The following LRRC37A2 variants were observed in gnomAD, a reference collection of about 807,000 sequenced individuals.
LRRC37A2 encodes the protein leucine rich repeat containing 37 member A2.
In LRRC37A2, 9 loss-of-function variants were observed where a neutral mutation model predicts 68.8. The observed-to-expected ratio is 0.13, with a 90% CI of 0.08 to 0.23. The LOEUF (loss-of-function observed/expected upper bound fraction) is 0.23. Ranked by LOEUF, LRRC37A2 falls within the 10% of genes least tolerant of loss-of-function variation. LRRC37A2 has a pLI of 1.00. For synonymous variants in LRRC37A2, 63 were observed against 367.6 expected, an observed-to-expected ratio of 0.17 and a Z score of 9.48; for missense variants, 168 against 950.4, an observed-to-expected ratio of 0.18 and a Z score of 10.82.
chr17:46,855,817 G>C, the LRRC37A2 span, among the ~76,000 whole-genome samples: 50 of 152,202 alleles, frequency 3.3e-4, no homozygotes, highest in South Asian at 1.0e-2. Flanking sequence ...TCCTGCCTCA[G>C]CTTCCCCAGT....
the LRRC37A2 span, among the ~76,000 whole-genome samples, chr17:46,809,489 C>T: frequency 2.0e-5 from 3 of 152,198 alleles, no homozygotes; most frequent in African/African-American, 7.2e-5. Context: ...CACGTACACA[C>T]ACTCAGTCCT....
At chr17:46,610,045 T>TTCTC in the LRRC37A2 span, among the ~76,000 whole-genome samples, 1 of 86,218 alleles carries the variant, frequency 1.2e-5, no homozygotes, top group Non-Finnish European at 2.8e-5. Context: ...CTCTCTCTCT[T>TTCTC]TCTTTCTTTC....
the LRRC37A2 span, among the ~76,000 whole-genome samples, chr17:46,859,907 T>TA: frequency 6.6e-6 from 1 of 152,174 alleles, no homozygotes; most frequent in African/African-American, 2.4e-5. Context: ...ATTGAAAATT[T>TA]AAAAAAAGAA....
chr17:47,018,650 T>C, the LRRC37A2 span: 6 of 1,520,344 alleles, frequency 3.9e-6, no homozygotes, highest in Non-Finnish European at 5.5e-6. Context: ...CGGAACCTAT[T>C]AATAATGAGA....
the LRRC37A2 span, among the ~76,000 whole-genome samples, chr17:46,962,240 A>C: frequency 6.6e-6 from 1 of 151,990 alleles, no homozygotes; most frequent in Non-Finnish European, 1.5e-5. Context: ...GAGGCAGGAG[A>C]ATAATTTGAA....
the LRRC37A2 span, among the ~76,000 whole-genome samples, chr17:46,840,230 G>A: frequency 6.6e-6 from 1 of 151,814 alleles, no homozygotes; most frequent in Non-Finnish European, 1.5e-5. Flanking sequence ...GGTACTACAG[G>A]TGCCCGACAC....
chr17:46,745,118 G>T, the LRRC37A2 span, among the ~76,000 whole-genome samples: 1 of 152,140 alleles, frequency 6.6e-6, no homozygotes, highest in South Asian at 2.1e-4. Flanking sequence ...CATTAGGAAG[G>T]TGGAGGTCCC....
At chr17:46,831,885 G>T in the LRRC37A2 span, among the ~76,000 whole-genome samples, 1 of 152,258 alleles carries the variant, frequency 6.6e-6, no homozygotes, top group African/African-American at 2.4e-5. Flanking sequence ...CTGCTTCCCC[G>T]TGATCCCTGA....
the LRRC37A2 span, among the ~76,000 whole-genome samples, chr17:46,649,567 C>A: frequency 6.6e-6 from 1 of 150,750 alleles, no homozygotes; most frequent in Non-Finnish European, 1.5e-5. Context: ...TACTCCCATA[C>A]GTAAGTTGGT....
At chr17:46,928,530 G>A in the LRRC37A2 span, among the ~76,000 whole-genome samples, 1 of 152,156 alleles carries the variant, frequency 6.6e-6, no homozygotes, top group Non-Finnish European at 1.5e-5. Flanking sequence ...CCATTAGGAA[G>A]GGGGTCTTAA....
the LRRC37A2 span, among the ~76,000 whole-genome samples, chr17:46,880,533 C>T: frequency 1.3e-5 from 2 of 152,196 alleles, no homozygotes; most frequent in Non-Finnish European, 2.9e-5. Context: ...AGACAATAAA[C>T]CAATAAATGA....
chr17:46,730,778 G>T, the LRRC37A2 span, among the ~76,000 whole-genome samples: 1 of 152,082 alleles, frequency 6.6e-6, no homozygotes, highest in African/African-American at 2.4e-5. Context: ...AATAAGTAAA[G>T]TTCAAATGGC....
the LRRC37A2 span, chr17:46,931,277 G>GAAAA: frequency 1.2e-6 from 1 of 828,338 alleles, no homozygotes; most frequent in Non-Finnish European, 2.1e-6. Flanking sequence ...CCCTGGGGGA[G>GAAAA]GTGATAGAAT....
At chr17:46,533,444 C>T (rs4597357) in intron 6 of LRRC37A2, among the ~76,000 whole-genome samples, 1 of 136,916 alleles carries the variant, frequency 7.3e-6, no homozygotes, top group African/African-American at 3.1e-5. Flanking sequence ...CTTTATATAC[C>T]TTATGTTCAT....
chr17:46,916,282 G>T, the LRRC37A2 span, among the ~76,000 whole-genome samples: 1 of 152,174 alleles, frequency 6.6e-6, no homozygotes, highest in African/African-American at 2.4e-5. Context: ...GTTTTAAGCT[G>T]TTCCAGGTGA....
chr17:46,851,832 C>G, the LRRC37A2 span: 2 of 479,496 alleles, frequency 4.2e-6, no homozygotes, highest in South Asian at 9.0e-5. This position sits in a 1 kb window ranked among gnomAD's most constrained non-coding sequence, Gnocchi z 4.3. Flanking sequence ...GTCTCGAACT[C>G]AGACCCTAGC....
the LRRC37A2 span, among the ~76,000 whole-genome samples, chr17:46,918,646 T>G: frequency 6.8e-6 from 1 of 147,396 alleles, no homozygotes; most frequent in Non-Finnish European, 1.5e-5. Context: ...CACATACAAT[T>G]TCCCAGAGCA....
At chr17:46,947,583 T>G in the LRRC37A2 span, among the ~76,000 whole-genome samples, 2 of 152,032 alleles carry the variant, frequency 1.3e-5, no homozygotes, top group African/African-American at 4.8e-5. Context: ...ATGGGGGTGG[T>G]GGGATGATGT....
chr17:46,852,908 G>A, the LRRC37A2 span, among the ~76,000 whole-genome samples: 8 of 152,108 alleles, frequency 5.3e-5, no homozygotes, highest in Non-Finnish European at 8.8e-5. Flanking sequence ...ATGACCCCTG[G>A]TGGAAACATG....
Sources: gnomAD v4.1 joint callset for allele counts (sites outside exome capture counted in the v4.1 genomes callset) on GRCh38, gnomAD v4.1.1 for gene constraint, Gnocchi (gnomAD v3.1) non-coding constraint, MANE v1.5 for transcripts, NCBI Gene and HGNC (gene_info 2026-07-23, HGNC 2026-07-21) for gene names.